Variants in NRG3 observed in about 807,000 individuals in gnomAD.
NRG3 encodes neuregulin 3.
In NRG3, 31 loss-of-function variants were observed where a neutral mutation model predicts 66.9. The observed-to-expected ratio is 0.46, with a 90% CI of 0.35 to 0.63. The LOEUF is 0.63. NRG3 is among the 20% of genes least tolerant of loss of function. The pLI is 0.00. For synonymous variants in NRG3, 393 were observed against 359.4 expected, an observed-to-expected ratio of 1.09 and a Z score of -1.06; for missense variants, 910 against 878.9, an observed-to-expected ratio of 1.04 and a Z score of -0.45.
At chr10:81,991,395 A>G (rs949185024) in intron 1 of NRG3, among the ~76,000 whole-genome samples, 8 of 152,308 alleles carry the variant, frequency 5.3e-5, no homozygotes, top group African/African-American at 1.7e-4. Flanking sequence ...CTCAGCACTC[A>G]TGCTCAAAGT....
intron 1 of NRG3, among the ~76,000 whole-genome samples, chr10:82,117,741 C>A (rs566694876): frequency 6.6e-6 from 1 of 152,180 alleles, no homozygotes; most frequent in South Asian, 2.1e-4. Flanking sequence ...AACTACTGAA[C>A]CTTACAGAGT....
intron 2 of NRG3, among the ~76,000 whole-genome samples, chr10:82,647,574 C>G (rs2051043511): frequency 6.6e-6 from 1 of 152,036 alleles, no homozygotes; most frequent in African/African-American, 2.4e-5. Flanking sequence ...CCTGAGGAAT[C>G]ACCACACTGA....
chr10:82,281,844 G>GT (rs2079137741), intron 1 of NRG3, among the ~76,000 whole-genome samples: 1 of 152,056 alleles, frequency 6.6e-6, no homozygotes, highest in Non-Finnish European at 1.5e-5. Context: ...GTTTTTGTCT[G>GT]TATCAGTTTT....
intron 1 of NRG3, among the ~76,000 whole-genome samples, chr10:82,136,208 A>G (rs2069334141): frequency 6.6e-6 from 1 of 152,162 alleles, no homozygotes; most frequent in African/African-American, 2.4e-5. Context: ...AAATGAGGTC[A>G]TTCTCCTCTG....
intron 2 of NRG3, among the ~76,000 whole-genome samples, chr10:82,360,601 G>C (rs1366552928): frequency 6.6e-6 from 1 of 152,132 alleles, no homozygotes; most frequent in African/African-American, 2.4e-5. Context: ...TCTGCATATG[G>C]CTATGCTGTA....
chr10:82,031,280 C>G (rs1014585533), intron 1 of NRG3, among the ~76,000 whole-genome samples: 1 of 152,056 alleles, frequency 6.6e-6, no homozygotes, highest in African/African-American at 2.4e-5. Flanking sequence ...GTTAGGTGGA[C>G]CAGGGATTTT....
At chr10:81,903,218 T>G (rs1844248512) in intron 1 of NRG3, among the ~76,000 whole-genome samples, 1 of 152,154 alleles carries the variant, frequency 6.6e-6, no homozygotes, top group Admixed American at 6.5e-5. Flanking sequence ...TTTAAAAAAT[T>G]TTTTAGAGAC....
At chr10:82,949,375 A>T (rs1564656888) in intron 4 of NRG3, among the ~76,000 whole-genome samples, 1 of 152,132 alleles carries the variant, frequency 6.6e-6, no homozygotes, top group African/African-American at 2.4e-5. Flanking sequence ...TCATGATAAT[A>T]CTGGCATCAT....
chr10:82,540,024 T>C (rs1267111435), intron 2 of NRG3, among the ~76,000 whole-genome samples: 1 of 152,050 alleles, frequency 6.6e-6, no homozygotes, highest in Non-Finnish European at 1.5e-5. Flanking sequence ...TGAAAACATC[T>C]TTTCTCATTT....
At position 82,792,219 on chromosome 10, in the gene NRG3, GACTT is replaced by G. The variant is rs541002982; in HGVS notation, c.1027+53574_1027+53577del. On this transcript the variant is annotated intron_variant, in intron 3 of 8. Coordinates refer to ENST00000372141, the MANE Select transcript of NRG3 (RefSeq NM_001010848.4). ...TTATGGAGAGACAGATGTTTGGAGGGACTTACTTTATCATCTGGAAGTAATTAGA... is the reference window on the plus strand; with the variant it reads ...TTATGGAGAGACAGATGTTTGGAGGGACTTTATCATCTGGAAGTAATTAGA... Among the ~76,000 whole-genome samples, 873 of 152,166 alleles carry G rather than the reference GACTT, an allele frequency of 5.7e-3. 5 individuals carry two copies. The highest frequency in any genetic ancestry group is 0.01 in the Non-Finnish European group (707 of 67,992).
intron 2 of NRG3, among the ~76,000 whole-genome samples, chr10:82,732,695 A>C (rs913753049): frequency 6.6e-6 from 1 of 152,198 alleles, no homozygotes; most frequent in African/African-American, 2.4e-5. Flanking sequence ...CTAATAATAA[A>C]TCCAGGGGGT....
chr10:82,363,353 C>T (rs1564840862), intron 2 of NRG3, among the ~76,000 whole-genome samples: 2 of 152,188 alleles, frequency 1.3e-5, no homozygotes, highest in Non-Finnish European at 2.9e-5. Context: ...TGTGAAAACA[C>T]GTGTCCACAA....
At chr10:82,608,472 C>A (rs2048105612) in intron 2 of NRG3, among the ~76,000 whole-genome samples, 1 of 152,126 alleles carries the variant, frequency 6.6e-6, no homozygotes, top group Admixed American at 6.6e-5. Context: ...ATTAATACTT[C>A]TGGAAAATTC....
chr10:82,364,316 C>G (rs1208169183), intron 2 of NRG3, among the ~76,000 whole-genome samples: 1 of 152,038 alleles, frequency 6.6e-6, no homozygotes, highest in Non-Finnish European at 1.5e-5. Flanking sequence ...TATAATAATT[C>G]TTTTTCATGT....
chr10:82,398,486 C>T (rs1398256084), intron 2 of NRG3, among the ~76,000 whole-genome samples: 2 of 136,950 alleles, frequency 1.5e-5, no homozygotes, highest in South Asian at 4.7e-4. Flanking sequence ...ATCTTGGCTT[C>T]GTGTATGTGT....
intron 2 of NRG3, among the ~76,000 whole-genome samples, chr10:82,473,998 AG>A (rs1841523198): frequency 6.6e-6 from 1 of 152,112 alleles, no homozygotes; most frequent in Admixed American, 6.5e-5. Context: ...ATGTATATGA[AG>A]AATTGGGGGA....
intron 1 of NRG3, among the ~76,000 whole-genome samples, chr10:82,174,953 A>G (rs934139572): frequency 1.3e-5 from 2 of 152,110 alleles, no homozygotes; most frequent in Non-Finnish European, 2.9e-5. Context: ...ACCCTTTCCC[A>G]TTATCTTACT....
chr10:82,793,635 C>T (rs1183996897), intron 3 of NRG3, among the ~76,000 whole-genome samples: 1 of 152,152 alleles, frequency 6.6e-6, no homozygotes, highest in African/African-American at 2.4e-5. Context: ...CATTAAAAAA[C>T]AACAACGAAG....
rs552845038 is a variant in NRG3 at position 82,272,334 on chromosome 10, G to A, written c.824-86405G>A. ...GTAGCTACCAGGAGTTTGGAAAGGAGTGTTAAAAATCAGTGCTGGAGGGGC... is the reference window on the plus strand; with the variant it reads ...GTAGCTACCAGGAGTTTGGAAAGGAATGTTAAAAATCAGTGCTGGAGGGGC... On this transcript the variant is annotated intron_variant, in intron 1 of 8. Transcript: ENST00000372141. Among the ~76,000 whole-genome samples, 113 of 152,186 alleles carry A rather than the reference G, an allele frequency of 7.4e-4. 1 individual carries two copies. The highest frequency in any genetic ancestry group is 2.1e-3 in the South Asian group (10 of 4,824).
Sources: gnomAD v4.1 joint callset for allele counts (sites outside exome capture counted in the v4.1 genomes callset) on GRCh38, gnomAD v4.1.1 for gene constraint, MANE v1.5 for transcripts, NCBI Gene and HGNC (gene_info 2026-07-23, HGNC 2026-07-21) for gene names.